The following VWA3B variants were observed in gnomAD, a reference collection of about 807,000 sequenced individuals.
The protein encoded by VWA3B is von Willebrand factor A domain containing 3B, also known as von Willebrand factor A domain-containing protein 3B.
In VWA3B, 138 loss-of-function variants were observed where a neutral mutation model predicts 158.3. The ratio of observed to expected loss-of-function variants is 0.87; its 90% CI spans 0.76 to 1.00. VWA3B has a LOEUF of 1.00. Among genes scored for constraint, VWA3B ranks in the 50% least tolerant of loss-of-function variants. The probability of loss-of-function intolerance (pLI) is 0.00; values close to 1 mark genes in which losing one functional copy is unlikely to be tolerated. For missense variants in VWA3B, 1,555 were observed against 1,565.1 expected, an observed-to-expected ratio of 0.99 and a Z score of 0.11; for synonymous variants, 596 against 587.3, an observed-to-expected ratio of 1.01 and a Z score of -0.21.
intron 12 of VWA3B, among the ~76,000 whole-genome samples, chr2:98,199,394 A>T (rs1682339645): frequency 6.6e-6 from 1 of 152,154 alleles, no homozygotes; most frequent in South Asian, 2.1e-4. Flanking sequence ...CTTGCAAACT[A>T]ATGTGGATGC....
chr2:98,303,925 C>T, intron 26 of VWA3B, 123 bp downstream of exon 26: 1 of 898,066 alleles, frequency 1.1e-6, no homozygotes, highest in South Asian at 1.6e-5. Flanking sequence ...GCAGAATGTC[C>T]TACTTAAAAT....
intron 9 of VWA3B, among the ~76,000 whole-genome samples, chr2:98,182,688 G>A (rs961950654): frequency 2.0e-5 from 3 of 152,170 alleles, no homozygotes; most frequent in African/African-American, 7.2e-5. Flanking sequence ...GGGAGGCCAA[G>A]GCGGGCAGAT....
intron 21 of VWA3B, among the ~76,000 whole-genome samples, chr2:98,261,456 A>G (rs1395684566): frequency 6.6e-6 from 1 of 151,820 alleles, no homozygotes; most frequent in Non-Finnish European, 1.5e-5. Context: ...ATACAAGAAT[A>G]CTAGTGTTTG....
chr2:98,254,139 A>G (rs2105814940), intron 20 of VWA3B, among the ~76,000 whole-genome samples: 1 of 152,304 alleles, frequency 6.6e-6, no homozygotes, highest in Middle Eastern at 3.4e-3. Flanking sequence ...GAGGGAATAA[A>G]CATTGAGCTA....
At chr2:98,246,680 C>A (rs1558721623) in intron 19 of VWA3B, among the ~76,000 whole-genome samples, 2 of 152,078 alleles carry the variant, frequency 1.3e-5, no homozygotes, top group Non-Finnish European at 2.9e-5. Flanking sequence ...CCCCACCCAG[C>A]CTATTTTAAT....
At chr2:98,121,624 C>A (rs1674973940) in intron 5 of VWA3B, among the ~76,000 whole-genome samples, 166 bp downstream of exon 5, 1 of 152,080 alleles carries the variant, frequency 6.6e-6, no homozygotes, top group South Asian at 2.1e-4. Flanking sequence ...CTGGAACAAC[C>A]CAAATGAGGC....
rs571797456 is a variant in VWA3B at position 98,305,096 on chromosome 2, C to T, written c.3521+1294C>T. ...GAACCTGCTCCAGAGTCGCTTTGGA[C>T]GCCACCAGCCACTCCCTTCTGCCCT... On this transcript the variant is annotated intron_variant, in intron 26 of 27. Transcript: ENST00000477737. Among the ~76,000 whole-genome samples, 7 of 152,250 alleles carry T rather than the reference C, an allele frequency of 4.6e-5. 1 individual carries two copies. In the South Asian group the frequency reaches 6.2e-4, roughly 14 times the overall value.
At chr2:98,105,723 A>G (rs554652692) in intron 2 of VWA3B, among the ~76,000 whole-genome samples, 6 of 151,778 alleles carry the variant, frequency 4.0e-5, no homozygotes, top group South Asian at 2.1e-4. Flanking sequence ...GTGAGACTCT[A>G]TCTCTTAAAA....
At chr2:98,328,311 T>C in the VWA3B span, among the ~76,000 whole-genome samples, 1 of 152,196 alleles carries the variant, frequency 6.6e-6, no homozygotes, top group Non-Finnish European at 1.5e-5. Flanking sequence ...ATGCCCACTG[T>C]GACCACTTCT....
At chr2:98,311,777 A>G in intron 26 of VWA3B, 42 bp from the exon 27 acceptor site, 7 of 1,514,500 alleles carry the variant, frequency 4.6e-6, no homozygotes, top group Non-Finnish European at 6.2e-6. Flanking sequence ...TAGACCCCGC[A>G]GCCATCAAGG....
At chr2:98,127,593 C>G (rs867642612) in intron 5 of VWA3B, among the ~76,000 whole-genome samples, 197 of 28,492 alleles carry the variant, frequency 6.9e-3, no homozygotes, top group Middle Eastern at 0.017. Context: ...TGTGTGTGGG[C>G]GGGGGGGGGG....
intron 12 of VWA3B, chr2:98,207,286 A>G (rs1683104880): frequency 2.0e-6 from 1 of 497,056 alleles, no homozygotes; most frequent in African/African-American, 1.9e-5. Flanking sequence ...GGATGCCACC[A>G]CTGTGCTGCC....
In VWA3B at chr2:98,188,053, C is replaced by T. The variant is rs1304409589; in HGVS notation, c.1390C>T (p.His464Tyr). 3 of 1,613,728 alleles carry T rather than the reference C, an allele frequency of 1.9e-6. No individual in the cohort carries two copies. Among genetic ancestry groups the T allele is most frequent in the Non-Finnish European group, 1.7e-6 (2 of 1,179,952 alleles). ...HAPWKDGSLVHVNITKEKCKW... is the reference protein window; with the variant it reads ...HAPWKDGSLVYVNITKEKCKW... ...TCCCTGGAAGGATGGGAGCTTGGTC[C>T]ACGTCAACATTACCAAAGAGAAGTG... The change falls in exon 10 of 28, where the codon CAC (histidine) becomes TAC (tyrosine). Residue 464 changes from histidine to tyrosine, a missense_variant. His to Tyr is a moderately conservative substitution (Grantham distance 83, BLOSUM62 2). Transcript: ENST00000477737.
At chr2:98,090,980 G>A (rs540382912) in intron 1 of VWA3B, among the ~76,000 whole-genome samples, 28 of 151,984 alleles carry the variant, frequency 1.8e-4, no homozygotes, top group African/African-American at 5.8e-4. Flanking sequence ...GGGTAGTCTC[G>A]AACTCCTGGG....
chr2:98,226,370 G>A (rs928489600), intron 14 of VWA3B, among the ~76,000 whole-genome samples: 3 of 152,176 alleles, frequency 2.0e-5, no homozygotes, highest in African/African-American at 7.2e-5. Flanking sequence ...GATATCCAAA[G>A]GCAAAATAAT....
intron 2 of VWA3B, among the ~76,000 whole-genome samples, chr2:98,109,435 A>G (rs895639408): frequency 3.3e-5 from 5 of 152,112 alleles, no homozygotes; most frequent in African/African-American, 9.7e-5. Flanking sequence ...TTTTCCCTTT[A>G]TAGCCCTTTG....
rs764806915 is a variant in VWA3B, at chr2:98,119,645, G to A, written c.424G>A (p.Val142Ile). 71 of 1,613,974 alleles carry A rather than the reference G, an allele frequency of 4.4e-5. No individual in the cohort carries two copies. The highest frequency in any genetic ancestry group is 5.0e-5 in the Admixed American group (3 of 59,998). The change falls in exon 4 of 28, where the codon GTC (valine) becomes ATC (isoleucine). Residue 142 changes from valine (V) to isoleucine (I), a missense_variant. Transcript: ENST00000477737. The stretch of plus-strand genomic sequence containing the variant: ...TTTTGGTGTCATCTTGGAACAGTGC[G>A]TCACCATAGTGCTGGATTTTGGCGG... ...QIFGVILEQC[V>I]TIVLDFGGIL... is the part of the protein sequence containing the mutation.
Position 98,128,536 on chromosome 2 carries a change from A to T in VWA3B, c.872+128A>T, listed in dbSNP as rs142649538. The T allele has an allele frequency of 4.3e-4, 394 of 909,250 alleles. No individual in the cohort carries two copies. In the African/African-American group the frequency reaches 5.5e-3, roughly 13 times the overall value. The allele number at this position is 909,250 out of a possible 1,614,324, so 56.3% of individuals were successfully genotyped here. A position where few individuals can be genotyped will look rare whatever the true frequency, so the allele number is the denominator to read the frequency against. Reference sequence around the variant, plus strand: ...TGTGTTCTCCTCTTTCCAGTATATTATTTAGTCTCTCTGCATCTTTTCTTC... The same window carrying T: ...TGTGTTCTCCTCTTTCCAGTATATTTTTTAGTCTCTCTGCATCTTTTCTTC... On this transcript the variant is annotated intron_variant, in intron 6 of 27. Transcript: ENST00000477737.
At chr2:98,234,469 A>G (rs967213071) in intron 16 of VWA3B, among the ~76,000 whole-genome samples, 179 bp from the exon 17 acceptor site, 1 of 152,226 alleles carries the variant, frequency 6.6e-6, no homozygotes, top group Admixed American at 6.5e-5. Flanking sequence ...TCCAGCTGAA[A>G]TTCAGATAAA....
Sources: gnomAD v4.1 joint callset for allele counts (sites outside exome capture counted in the v4.1 genomes callset) on GRCh38, gnomAD v4.1.1 for gene constraint, MANE v1.5 for transcripts, NCBI Gene and HGNC (gene_info 2026-07-23, HGNC 2026-07-21) for gene names.